The following KCNU1 variants were observed in gnomAD, a reference collection of about 807,000 sequenced individuals.
KCNU1 encodes potassium calcium-activated channel subfamily U member 1.
A neutral mutation model predicts 126.8 loss-of-function variants in KCNU1; 93 were observed. The observed-to-expected ratio is 0.73, with a 90% CI of 0.62 to 0.87. The LOEUF is 0.87. Among genes scored for constraint, KCNU1 ranks in the 40% least tolerant of loss-of-function variants. KCNU1 has a pLI of 0.00. For missense variants in KCNU1, 1,330 were observed against 1,367.1 expected (o/e 0.97, Z 0.43); for synonymous variants, 523 against 494.2 (o/e 1.06, Z -0.77).
At chr8:36,847,942 C>A (rs776077514) in intron 18 of KCNU1, among the ~76,000 whole-genome samples, 2 of 152,140 alleles carry the variant, frequency 1.3e-5, no homozygotes, top group African/African-American at 4.8e-5. Flanking sequence ...CGTATGAGTT[C>A]CCTGTTCTCC....
chr8:36,802,546 C>T (rs941928120), intron 2 of KCNU1, among the ~76,000 whole-genome samples: 1 of 152,086 alleles, frequency 6.6e-6, no homozygotes, highest in Non-Finnish European at 1.5e-5. Flanking sequence ...ATGGGAGAGA[C>T]TTCTATAACC....
chr8:36,919,613 G>A (rs1001732783), intron 23 of KCNU1, among the ~76,000 whole-genome samples: 7 of 152,182 alleles, frequency 4.6e-5, no homozygotes, highest in African/African-American at 1.2e-4. Context: ...GACGCATTGC[G>A]TCTGTATTCA....
chr8:36,881,139 C>T (rs1040375828), intron 19 of KCNU1, among the ~76,000 whole-genome samples: 1 of 152,202 alleles, frequency 6.6e-6, no homozygotes, highest in Non-Finnish European at 1.5e-5. Flanking sequence ...GACCGGGCAG[C>T]CACTAAACCT....
At chr8:36,822,834 A>G (rs1804178155) in intron 10 of KCNU1, among the ~76,000 whole-genome samples, 1 of 152,152 alleles carries the variant, frequency 6.6e-6, no homozygotes, top group Non-Finnish European at 1.5e-5. Context: ...TTGTTTTATG[A>G]GTGGGCGCAT....
chr8:36,852,023 G>A (rs915718321), intron 18 of KCNU1, among the ~76,000 whole-genome samples: 1 of 152,100 alleles, frequency 6.6e-6, no homozygotes, highest in Non-Finnish European at 1.5e-5. Flanking sequence ...TTTCATAGAT[G>A]CTCTTTATTT....
At chr8:36,804,135 C>T (rs773411714) in intron 3 of KCNU1, 47 bp downstream of exon 3, 1 of 1,312,572 alleles carries the variant, frequency 7.6e-7, no homozygotes, top group South Asian at 1.3e-5. Context: ...CAGTACATTG[C>T]TCGGCTAATT....
intron 2 of KCNU1, among the ~76,000 whole-genome samples, chr8:36,791,933 A>G (rs933863133): frequency 2.0e-5 from 3 of 152,138 alleles, no homozygotes; most frequent in Non-Finnish European, 4.4e-5. Flanking sequence ...ATCAAGCATC[A>G]AGAATTTATT....
chr8:36,845,333 A>T (rs1267543482), intron 16 of KCNU1, among the ~76,000 whole-genome samples: 1 of 152,204 alleles, frequency 6.6e-6, no homozygotes, highest in Non-Finnish European at 1.5e-5. Flanking sequence ...GCTTTGCCGC[A>T]GGTCCGCTGT....
chr8:36,793,926 C>T (rs1585379201), intron 2 of KCNU1, among the ~76,000 whole-genome samples: 1 of 151,798 alleles, frequency 6.6e-6, no homozygotes, highest in South Asian at 2.1e-4. Context: ...TGGTGGTGCT[C>T]GCCTGTAATC....
At chr8:36,930,154 A>G (rs1285678656) in intron 24 of KCNU1, among the ~76,000 whole-genome samples, 1 of 152,122 alleles carries the variant, frequency 6.6e-6, no homozygotes, top group Non-Finnish European at 1.5e-5. Context: ...TTAAAAATAT[A>G]TATTCAATAA....
At chr8:36,835,293 G>A (rs907850454) in intron 12 of KCNU1, among the ~76,000 whole-genome samples, 3 of 151,872 alleles carry the variant, frequency 2.0e-5, no homozygotes, top group Admixed American at 1.3e-4. Flanking sequence ...TGCGTGGTCC[G>A]GTATGACGTG....
intron 24 of KCNU1, 133 bp from the exon 25 acceptor site, chr8:36,930,818 A>T: frequency 1.8e-6 from 1 of 545,594 alleles, no homozygotes; most frequent in Non-Finnish European, 3.0e-6. Flanking sequence ...AGATAATAAT[A>T]ATGAGAAACA....
In KCNU1 at chr8:36,905,813, TC is replaced by T; in HGVS notation, c.2106+10del. 7.6e-7 allele frequency: 1 copy of T among 1,321,488 alleles called. No individual in the cohort carries two copies. Among genetic ancestry groups the T allele is most frequent in the Non-Finnish European group, 1.1e-6 (1 of 941,894 alleles). The allele number at this position is 1,321,488 out of a possible 1,614,324, so 81.9% of individuals were successfully genotyped here. A position where few individuals can be genotyped will look rare whatever the true frequency, so the allele number is the denominator to read the frequency against. ...TGGACAAGGTGACTCTGGTAGGTGA[TC>T]TTGCATCATCAAATCTCAAATAAGA... On this transcript the variant is annotated intron_variant, in intron 20 of 26. Coordinates refer to ENST00000399881, the MANE Select transcript of KCNU1 (RefSeq NM_001031836.3).
intron 19 of KCNU1, among the ~76,000 whole-genome samples, chr8:36,881,818 A>ACACACT (rs1806492316): frequency 6.6e-6 from 1 of 151,446 alleles, no homozygotes; most frequent in Admixed American, 6.6e-5. Context: ...ACACACACAC[A>ACACACT]CACACACACA....
At chr8:36,922,683 G>C in intron 24 of KCNU1, 54 bp downstream of exon 24, 2 of 1,575,992 alleles carry the variant, frequency 1.3e-6, no homozygotes, top group Non-Finnish European at 1.7e-6. Flanking sequence ...GCAGAGAAGT[G>C]AACAGGTAGT....
chr8:36,799,139 A>ATAAATT (rs1803211490), intron 2 of KCNU1, among the ~76,000 whole-genome samples: 1 of 152,122 alleles, frequency 6.6e-6, no homozygotes, highest in South Asian at 2.1e-4. Flanking sequence ...AATTTTTAAA[A>ATAAATT]TTCAATTCTC....
At chr8:36,817,229 G>A (rs1308343680) in intron 9 of KCNU1, among the ~76,000 whole-genome samples, 1 of 151,520 alleles carries the variant, frequency 6.6e-6, no homozygotes, top group Non-Finnish European at 1.5e-5. Context: ...GCCAGGCACA[G>A]TGGCTCGTGC....
chr8:36,861,744 G>A (rs1805737686), intron 18 of KCNU1, among the ~76,000 whole-genome samples: 1 of 152,142 alleles, frequency 6.6e-6, no homozygotes, highest in Admixed American at 6.6e-5. Flanking sequence ...TCACTCATTT[G>A]AACAATGATA....
chr8:36,867,754 T>C (rs1022955863), intron 19 of KCNU1, among the ~76,000 whole-genome samples: 1 of 152,190 alleles, frequency 6.6e-6, no homozygotes, highest in Admixed American at 6.5e-5. Context: ...ACAAAAATAA[T>C]TTAACATATC....
Sources: allele counts gnomAD v4.1 joint callset (sites outside exome capture counted in the v4.1 genomes callset), GRCh38; gene constraint gnomAD v4.1.1; transcripts MANE v1.5; gene names NCBI Gene and HGNC (gene_info 2026-07-23, HGNC 2026-07-21).